POTEB3: variants seen among roughly 807,000 people sequenced by gnomAD.
The protein encoded by POTEB3 is ANKRD26-like family B member 1.
A neutral mutation model predicts 39.8 loss-of-function variants in POTEB3; 5 were observed. The observed-to-expected ratio is 0.13, with a 90% CI of 0.07 to 0.26. POTEB3 has a LOEUF of 0.26. POTEB3 is among the 10% of genes least tolerant of loss of function. POTEB3 has a pLI of 1.00. For synonymous variants in POTEB3, 5 were observed against 161.5 expected, an observed-to-expected ratio of 0.03 and a Z score of 7.35; for missense variants, 24 against 475.6, an observed-to-expected ratio of 0.05 and a Z score of 8.83.
At chr15:21,424,699 A>G in intron 6 of POTEB3, among the ~76,000 whole-genome samples, 1 of 151,814 alleles carries the variant, frequency 6.6e-6, no homozygotes, top group Non-Finnish European at 1.5e-5. Context: ...TGACTCACAC[A>G]GGTCATGGAG....
intron 3 of POTEB3, among the ~76,000 whole-genome samples, chr15:21,433,443 A>T (rs1245716782): frequency 6.7e-6 from 1 of 149,498 alleles, no homozygotes. Flanking sequence ...TACTCTATCA[A>T]AATCTTCAGG....
intron 4 of POTEB3, among the ~76,000 whole-genome samples, chr15:21,430,870 T>A (rs1898933600): frequency 6.6e-6 from 1 of 151,872 alleles, no homozygotes. Context: ...ATGATGCCAA[T>A]AAGCATGTGC....
At chr15:21,426,141 G>T (rs1289638251) in intron 6 of POTEB3, 1 of 433,004 alleles carries the variant, frequency 2.3e-6, no homozygotes, top group Non-Finnish European at 4.6e-6. Flanking sequence ...GTCTTTTGCA[G>T]TTGTTGCTCT....
chr15:21,423,188 ACTCC>A (rs1449732164), intron 6 of POTEB3, among the ~76,000 whole-genome samples: 1 of 131,974 alleles, frequency 7.6e-6, no homozygotes, highest in Admixed American at 7.5e-5. Flanking sequence ...GCAACCTCTG[ACTCC>A]CTGGTTCAAA....
chr15:21,433,675 A>G lies in POTEB3; in HGVS notation c.810+986T>C, dbSNP rs2141372546. On this transcript the variant is annotated intron_variant, in intron 3 of 10. Transcript: ENST00000611217. The stretch of plus-strand genomic sequence containing the variant: ...AATTTTCCCTGGTAAGAGTAGAACA[A>G]GGTCTAGTAAACTCAAAATCCAACC... 1.3e-5 allele frequency among the ~76,000 whole-genome samples: 2 copies of G among 148,290 alleles called. 1 individual carries two copies. Among genetic ancestry groups the G allele is most frequent in the Non-Finnish European group, 3.0e-5 (2 of 66,834 alleles).
At chr15:21,434,110 C>T (rs1430890264) in intron 3 of POTEB3, among the ~76,000 whole-genome samples, 2 of 142,896 alleles carry the variant, frequency 1.4e-5, no homozygotes, top group Non-Finnish European at 3.1e-5. Context: ...GGTCTTTTCC[C>T]CCATTACCTA....
intron 7 of POTEB3, among the ~76,000 whole-genome samples, 186 bp downstream of exon 7, chr15:21,421,934 C>A (rs1472769692): frequency 1.3e-5 from 2 of 151,844 alleles, no homozygotes; most frequent in Non-Finnish European, 2.9e-5. Flanking sequence ...TTTATTAATT[C>A]TTCTGTTAAT....
At chr15:21,419,836 G>T (rs1898464815) in intron 8 of POTEB3, among the ~76,000 whole-genome samples, 1 of 140,886 alleles carries the variant, frequency 7.1e-6, no homozygotes, top group Non-Finnish European at 1.5e-5. Context: ...TGAAATTTTT[G>T]TAGTTTGCTT....
Position 21,412,682 on chromosome 15 carries a change from GA to G in POTEB3, c.1410-1682del, listed in dbSNP as rs1283239626. Among the ~76,000 whole-genome samples the G allele has an allele frequency of 5.8e-5, 4 of 69,556 alleles. 1 individual carries two copies. The highest frequency in any genetic ancestry group is 3.5e-4 in the Admixed American group (3 of 8,556). The allele number at this position is 69,556 out of a possible 152,430, so 45.6% of individuals were successfully genotyped here. On this transcript the variant is annotated intron_variant, in intron 9 of 10. Transcript: ENST00000611217. Reference sequence around the variant, plus strand: ...CACATTATTCAACAAATGGTGCTGGGAAAAAAAGATAGTCACATATAGAAGA... The same window carrying G: ...CACATTATTCAACAAATGGTGCTGGGAAAAAAGATAGTCACATATAGAAGA...
chr15:21,413,797 C>T (rs1595358858), intron 9 of POTEB3, among the ~76,000 whole-genome samples: 2 of 46,800 alleles, frequency 4.3e-5, no homozygotes, highest in Admixed American at 1.9e-4. Context: ...TGGAGGAAAC[C>T]GACCCCATGA....
At chr15:21,425,707 TC>T in intron 6 of POTEB3, among the ~76,000 whole-genome samples, 1 of 148,908 alleles carries the variant, frequency 6.7e-6, no homozygotes, top group Non-Finnish European at 1.5e-5. Context: ...TTCTAAGTTT[TC>T]TCCCTGTTTA....
intron 6 of POTEB3, chr15:21,424,994 A>T (rs1375971307): frequency 1.3e-5 from 2 of 148,202 alleles, no homozygotes; most frequent in African/African-American, 5.0e-5. Context: ...ATAACACCAA[A>T]AAAAGGCCAA....
Position 21,408,886 on chromosome 15 carries a change from T to A in POTEB3, c.*97A>T, listed in dbSNP as rs2141341364. ...AGTAGTCAGTCTACAATGACATGAT[T>A]GAATTTCCATTTCCAGTGTTTCCTA... On this transcript the variant is annotated 3_prime_UTR_variant, in exon 11 of 11. Transcript: ENST00000611217. 2.3e-6 allele frequency: 1 copy of A among 428,520 alleles called. No individual in the cohort carries two copies. Among genetic ancestry groups the A allele is most frequent in the East Asian group, 3.8e-5 (1 of 26,626 alleles). 26.5% of individuals were successfully genotyped at this position (428,520 alleles called of 1,614,324 possible). A position where few individuals can be genotyped will look rare whatever the true frequency, so the allele number is the denominator to read the frequency against.
chr15:21,434,210 C>A (rs1354306810), intron 3 of POTEB3, among the ~76,000 whole-genome samples: 2 of 137,454 alleles, frequency 1.5e-5, no homozygotes, highest in African/African-American at 5.8e-5. Context: ...TTAAGCCTTG[C>A]CACTGAGAGA....
At chr15:21,417,015 G>T (rs1417742536) in intron 9 of POTEB3, among the ~76,000 whole-genome samples, 4 of 62,492 alleles carry the variant, frequency 6.4e-5, no homozygotes, top group African/African-American at 2.0e-4. Flanking sequence ...TCCAAAAGGA[G>T]AAAGATGAGG....
rs60010729 is a variant in POTEB3 at position 21,434,030 on chromosome 15, AACACACACACACAC to A, written c.810+617_810+630del. Among the ~76,000 whole-genome samples, 13 of 120,034 alleles carry A rather than the reference AACACACACACACAC, an allele frequency of 1.1e-4. 1 individual carries two copies. The highest frequency in any genetic ancestry group is 2.5e-4 in the South Asian group (1 of 4,080). The allele number at this position is 120,034 out of a possible 152,430, so 78.7% of individuals were successfully genotyped here. On this transcript the variant is annotated intron_variant, in intron 3 of 10. Transcript: ENST00000611217. Reference sequence around the variant, plus strand: ...AAACAAATGAATGAACAACAATAACAACACACACACACACACACACACACACACACACACAAACA... The same window carrying A: ...AAACAAATGAATGAACAACAATAACAACACACACACACACACACACAAACA...
intron 8 of POTEB3, 81 bp from the exon 9 acceptor site, chr15:21,419,711 C>A: frequency 3.3e-6 from 1 of 306,392 alleles, no homozygotes; most frequent in Admixed American, 5.4e-5. Context: ...TATCAATTGA[C>A]TCAGTTTGCC....
chr15:21,413,524 A>ATG (rs1898352766), intron 9 of POTEB3, among the ~76,000 whole-genome samples: 1 of 20,646 alleles, frequency 4.8e-5, no homozygotes, highest in Non-Finnish European at 7.6e-5. Context: ...ATATATATAT[A>ATG]TATATATATA....
intron 8 of POTEB3, among the ~76,000 whole-genome samples, 159 bp from the exon 9 acceptor site, chr15:21,419,789 A>C (rs1898463505): frequency 7.2e-6 from 1 of 138,170 alleles, no homozygotes; most frequent in Non-Finnish European, 1.6e-5. Context: ...TAACCGTATA[A>C]TTTTAAGATG....
Sources: gnomAD v4.1 joint callset for allele counts (sites outside exome capture counted in the v4.1 genomes callset) on GRCh38, gnomAD v4.1.1 for gene constraint, MANE v1.5 for transcripts, NCBI Gene and HGNC (gene_info 2026-07-23, HGNC 2026-07-21) for gene names.